MAML3: variants seen among roughly 807,000 people sequenced by gnomAD.
MAML3 encodes the protein mastermind like transcriptional coactivator 3, also known as mastermind-like protein 3.
In MAML3, 27 loss-of-function variants were observed where a neutral mutation model predicts 101.9. The ratio of observed to expected loss-of-function variants is 0.27; its 90% confidence interval spans 0.20 to 0.37. MAML3 has a LOEUF of 0.37. Among genes scored for constraint, MAML3 ranks in the 10% least tolerant of loss-of-function variants. The pLI is 1.00. For synonymous variants in MAML3, 501 were observed against 555.9 expected, an observed-to-expected ratio of 0.90 and a Z score of 1.39; for missense variants, 1,316 against 1,444.9, an observed-to-expected ratio of 0.91 and a Z score of 1.45.
intron 1 of MAML3, among the ~76,000 whole-genome samples, chr4:140,033,203 G>A (rs1352862320): frequency 6.6e-6 from 1 of 152,178 alleles, no homozygotes; most frequent in Non-Finnish European, 1.5e-5. Context: ...AGAGCTATTC[G>A]AAACAAATGG....
At position 139,991,323 on chromosome 4, in the gene MAML3, C is replaced by G. The variant is rs139458172; in HGVS notation, c.469-100356G>C. 8.7e-3 allele frequency among the ~76,000 whole-genome samples: 1,317 copies of G among 152,194 alleles called. 22 individuals are homozygous for G. The highest frequency in any genetic ancestry group is 0.03 in the African/African-American group (1,262 of 41,522). ...GGGAAAGGATTCCCTATTTAATAAA[C>G]GGTGCTGGGAAAACAGGCTAGCCAT... On this transcript the variant is annotated intron_variant, in intron 1 of 4. Transcript: ENST00000509479.
At chr4:139,873,262 T>C (rs961228519) in intron 2 of MAML3, among the ~76,000 whole-genome samples, 1 of 152,184 alleles carries the variant, frequency 6.6e-6, no homozygotes, top group African/African-American at 2.4e-5. Context: ...CTGGTATGTT[T>C]GGAGCCTATG....
chr4:139,797,745 A>G (rs1368719880), intron 2 of MAML3, among the ~76,000 whole-genome samples: 1 of 152,152 alleles, frequency 6.6e-6, no homozygotes, highest in Non-Finnish European at 1.5e-5. Flanking sequence ...AAATATGTCT[A>G]TCCCCTGCAC....
intron 2 of MAML3, among the ~76,000 whole-genome samples, chr4:139,841,889 T>A (rs536169009): frequency 6.6e-6 from 1 of 152,324 alleles, no homozygotes; most frequent in South Asian, 2.1e-4. Flanking sequence ...CTTCCTGATG[T>A]TCCCTCTAAT....
chr4:139,910,639 T>C (rs1158339260), intron 1 of MAML3, among the ~76,000 whole-genome samples: 2 of 152,136 alleles, frequency 1.3e-5, no homozygotes, highest in Non-Finnish European at 2.9e-5. Flanking sequence ...AGAATGGAGA[T>C]ATTAGGTGTG....
At position 140,153,250 on chromosome 4, in the gene MAML3, G is replaced by C; in HGVS notation, c.78C>G (p.Leu26=). Residue 26 remains leucine, a synonymous_variant, in exon 1 of 5, where the codon CTC becomes CTG. Coordinates refer to ENST00000509479, the MANE Select transcript of MAML3 (RefSeq NM_018717.5). ...ICINSSLNSS[L]GGAGIGVNNT... is the part of the protein sequence containing the mutation. The stretch of plus-strand genomic sequence containing the variant: ...TATTCACACCGATCCCGGCCCCGCC[G>C]AGGCTGCTGTTCAGGCTACTGTTGA... 6.2e-7 allele frequency: 1 copy of C among 1,604,206 alleles called. No homozygotes were observed. The highest frequency in any genetic ancestry group is 1.1e-5 in the South Asian group (1 of 89,472).
chr4:140,151,271 T>A (rs559281095), intron 1 of MAML3, among the ~76,000 whole-genome samples: 1 of 149,882 alleles, frequency 6.7e-6, no homozygotes, highest in East Asian at 2.0e-4. Flanking sequence ...CTGGGCAGGA[T>A]CGCGCCGACC....
intron 4 of MAML3, among the ~76,000 whole-genome samples, chr4:139,721,525 A>C (rs1728233349): frequency 6.6e-6 from 1 of 152,238 alleles, no homozygotes; most frequent in African/African-American, 2.4e-5. Context: ...AACCTTGTTA[A>C]ACCTGGCACC....
At chr4:140,023,500 T>C (rs1321587044) in intron 1 of MAML3, among the ~76,000 whole-genome samples, 1 of 152,226 alleles carries the variant, frequency 6.6e-6, no homozygotes, top group African/African-American at 2.4e-5. Flanking sequence ...CAGTCCTTTA[T>C]GCCCAAGCGA....
chr4:139,974,726 T>C (rs1301744661), intron 1 of MAML3, among the ~76,000 whole-genome samples: 1 of 152,098 alleles, frequency 6.6e-6, no homozygotes, highest in Non-Finnish European at 1.5e-5. Context: ...CCAGATAATA[T>C]ATGGTCAAGT....
chr4:140,141,388 C>T (rs539917996), intron 1 of MAML3, among the ~76,000 whole-genome samples: 1 of 152,144 alleles, frequency 6.6e-6, no homozygotes. Context: ...ACACAGATGA[C>T]TGGATTAGTC....
At chr4:139,951,114 C>CCTTCTCT (rs966940578) in intron 1 of MAML3, among the ~76,000 whole-genome samples, 2 of 152,208 alleles carry the variant, frequency 1.3e-5, no homozygotes, top group African/African-American at 4.8e-5. Context: ...AGCCAAGCCT[C>CCTTCTCT]CTTCTCTCTC....
intron 1 of MAML3, among the ~76,000 whole-genome samples, chr4:140,039,275 G>T (rs1184312742): frequency 4.6e-5 from 7 of 152,148 alleles, no homozygotes; most frequent in Admixed American, 4.6e-4. Flanking sequence ...AAGCATCGCT[G>T]AAGCTTTGGA....
At chr4:139,852,325 A>G (rs809477) in intron 2 of MAML3, among the ~76,000 whole-genome samples, 2 of 151,214 alleles carry the variant, frequency 1.3e-5, no homozygotes, top group African/African-American at 2.4e-5. Flanking sequence ...CATAGAAAGC[A>G]CCATAGGTCC....
At chr4:139,975,488 C>T (rs1343638520) in intron 1 of MAML3, among the ~76,000 whole-genome samples, 2 of 152,180 alleles carry the variant, frequency 1.3e-5, no homozygotes, top group African/African-American at 4.8e-5. Context: ...ATCTCCCTTC[C>T]CTGCTCTACT....
At chr4:139,775,447 A>G (rs1560790687) in intron 2 of MAML3, among the ~76,000 whole-genome samples, 1 of 152,170 alleles carries the variant, frequency 6.6e-6, no homozygotes, top group Non-Finnish European at 1.5e-5. Flanking sequence ...CTTGCGGTCT[A>G]GATTCCTCTC....
At chr4:139,876,694 C>T (rs72712508) in intron 2 of MAML3, among the ~76,000 whole-genome samples, 3,710 of 152,268 alleles carry the variant, frequency 0.024, 86 homozygotes, top group Middle Eastern at 0.041. Context: ...ATCATGTGGA[C>T]CCAGGCTGCC....
chr4:139,902,044 A>G (rs939485583), intron 1 of MAML3, among the ~76,000 whole-genome samples: 4 of 152,206 alleles, frequency 2.6e-5, no homozygotes, highest in Non-Finnish European at 5.9e-5. Context: ...TTTGGAAAAC[A>G]AAAGTATTGA....
At chr4:140,115,065 A>G (rs1728494603) in intron 1 of MAML3, among the ~76,000 whole-genome samples, 1 of 152,222 alleles carries the variant, frequency 6.6e-6, no homozygotes, top group African/African-American at 2.4e-5. Context: ...TCAGGACAAG[A>G]CACATGAAGT....
Sources: gnomAD v4.1 joint callset for allele counts (sites outside exome capture counted in the v4.1 genomes callset) on GRCh38, gnomAD v4.1.1 for gene constraint, MANE v1.5 for transcripts, NCBI Gene and HGNC (gene_info 2026-07-23, HGNC 2026-07-21) for gene names.